Variants in PFKFB4 observed in about 807,000 individuals in gnomAD.
The protein encoded by PFKFB4 is 6-phosphofructo-2-kinase/fructose-2,6-bisphosphatase 4.
A neutral mutation model predicts 62.8 loss-of-function variants in PFKFB4; 42 were observed. The observed-to-expected ratio is 0.67, with a 90% CI of 0.52 to 0.86. The LOEUF is 0.86. Among genes scored for constraint, PFKFB4 ranks in the 40% least tolerant of loss-of-function variants. The pLI, the probability that PFKFB4 is intolerant of heterozygous loss-of-function variation, is 0.00. For synonymous variants in PFKFB4, 204 were observed against 240.7 expected, an observed-to-expected ratio of 0.85 and a Z score of 1.41; for missense variants, 475 against 627.2, an observed-to-expected ratio of 0.76 and a Z score of 2.59.
At chr3:48,557,536 G>A (rs933723884), upstream of PFKFB4, among the ~76,000 whole-genome samples, 2 of 152,106 alleles carry the variant, frequency 1.3e-5, no homozygotes, top group Non-Finnish European at 2.9e-5. Flanking sequence ...GAGCAAATGC[G>A]TGGGACTTTT....
At position 48,538,618 on chromosome 3, in the gene PFKFB4, T is replaced by C; in HGVS notation, c.512A>G (p.Gln171Arg). 6.2e-7 allele frequency: 1 copy of C among 1,614,158 alleles called. No homozygotes were observed. The highest frequency in any genetic ancestry group is 8.5e-7 in the Non-Finnish European group (1 of 1,180,020). ...ATAGTCAGGGCTGCCCAGTTTCACT[T>C]GCTGCCGGAGCCAGGCACAGAGAAA... ...DPEVIAANIV[Q>R]VKLGSPDYVN... Residue 171 changes from glutamine to arginine, a missense_variant and splice_region_variant, in exon 7 of 14, where the codon CAA (glutamine) becomes CGA (arginine). Coordinates refer to ENST00000232375, the MANE Select transcript of PFKFB4 (RefSeq NM_004567.4).
chr3:48,529,539 T>A (rs2042368727), intron 9 of PFKFB4, among the ~76,000 whole-genome samples: 1 of 152,134 alleles, frequency 6.6e-6, no homozygotes, highest in Admixed American at 6.6e-5. Context: ...ATCTATATAT[T>A]TGGAGGGAAG....
At chr3:48,530,598 A>C (rs1184132078) in intron 9 of PFKFB4, among the ~76,000 whole-genome samples, 1 of 152,266 alleles carries the variant, frequency 6.6e-6, no homozygotes, top group Non-Finnish European at 1.5e-5. Flanking sequence ...CAAACATACC[A>C]GTAATGATAA....
intron 12 of PFKFB4, 126 bp downstream of exon 12, chr3:48,523,411 G>C: frequency 1.1e-6 from 1 of 890,352 alleles, no homozygotes; most frequent in Non-Finnish European, 1.8e-6. Flanking sequence ...TGGGAAAGGT[G>C]GTGGGGTAGT....
Position 48,521,095 on chromosome 3 carries a change from G to A in PFKFB4, c.1350+891C>T, listed in dbSNP as rs2042082704. On this transcript the variant is annotated intron_variant, in intron 13 of 13. Coordinates refer to ENST00000232375, the MANE Select transcript of PFKFB4 (RefSeq NM_004567.4). The surrounding 1 kb of genome is among the most constrained non-coding windows in gnomAD (Gnocchi z 5.3). ...CTTGGGGGCAGTGGTGTTGGGAAGG[G>A]ACAGGACACATCTACACACCTGTGC... is the stretch of plus-strand genomic sequence containing the variant. Among the ~76,000 whole-genome samples the A allele has an allele frequency of 6.6e-6, 1 of 152,164 alleles. No homozygotes were observed. The highest frequency in any genetic ancestry group is 1.9e-4 in the East Asian group (1 of 5,180).
rs749504268 is a variant in PFKFB4, at chr3:48,523,549, G to A, written c.1273C>T (p.Pro425Ser). 8 of 1,614,004 alleles carry A rather than the reference G, an allele frequency of 5.0e-6. No homozygotes were observed. The South Asian group carries it at 6.6e-5, about 13-fold the overall frequency. The change falls in exon 12 of 14, where the codon CCT (proline) becomes TCT (serine). Residue 425 changes from proline to serine, a missense_variant. Transcript: ENST00000232375. Reference sequence around the variant, plus strand: ...GAAGCTTCCTTACCATATGCCACAGGAGTCAGCTTCAGGACTGTGTGCAGC... The same window carrying A: ...GAAGCTTCCTTACCATATGCCACAGAAGTCAGCTTCAGGACTGTGTGCAGC... Reference protein sequence around the residue: ...CPLHTVLKLTPVAYGCKVESI... With the variant: ...CPLHTVLKLTSVAYGCKVESI...
In PFKFB4 at chr3:48,549,867, C is replaced by T; in HGVS notation, c.308G>A (p.Arg103Lys). 2 of 1,600,432 alleles carry T rather than the reference C, an allele frequency of 1.2e-6. No homozygotes were observed. Among genetic ancestry groups the T allele is most frequent in the Non-Finnish European group, 1.7e-6 (2 of 1,167,524 alleles). The change falls in exon 3 of 14, where the codon AGG becomes AAG. Residue 103 changes from arginine (R) to lysine (K), a missense_variant. Transcript: ENST00000232375. ...LPDNEEGLKI[R>K]KQCALAALRD... ...CACACCCAACACATATACTTACTTC[C>T]TGATTTTCAGGCCCTCTTCATTGTC...
At chr3:48,550,008 C>T in intron 2 of PFKFB4, 48 bp from the exon 3 acceptor site, 1 of 1,476,180 alleles carries the variant, frequency 6.8e-7, no homozygotes, top group South Asian at 1.1e-5. Context: ...CAACCCCTAC[C>T]AACCCTGACC....
upstream of PFKFB4, chr3:48,562,960 C>A: frequency 6.2e-7 from 1 of 1,605,638 alleles, no homozygotes; most frequent in Non-Finnish European, 8.5e-7. The surrounding 1 kb of genome is among the most constrained non-coding windows in gnomAD (Gnocchi z 4.3). Context: ...GGGCAGCCCA[C>A]GGCCATGTGG....
At position 48,535,520 on chromosome 3, in the gene PFKFB4, T is replaced by A; in HGVS notation, c.979A>T (p.Ile327Phe). ...GGAGGGACGGTAACTACCGCATCGA[T>A]CTCGTTGAGGACCTTCCACTGTTCA... is the stretch of plus-strand genomic sequence containing the variant. ...PYEQWKVLNE[I>F]DAGVCEEMTY... Residue 327 changes from isoleucine (I) to phenylalanine (F), a missense_variant, in exon 9 of 14, where the codon ATC becomes TTC. Transcript: ENST00000232375. 1 of 1,613,502 alleles carries A rather than the reference T, an allele frequency of 6.2e-7. No homozygotes were observed. Among genetic ancestry groups the A allele is most frequent in the South Asian group, 1.1e-5 (1 of 91,040 alleles).
chr3:48,550,091 C>T (rs1368142480), intron 2 of PFKFB4, 27 bp downstream of exon 2: 2 of 1,534,888 alleles, frequency 1.3e-6, no homozygotes, highest in Non-Finnish European at 9.0e-7. Context: ...ACAAAGCTCC[C>T]CTTAGACAGC....
At chr3:48,520,386 G>T (rs1343801253) in intron 13 of PFKFB4, among the ~76,000 whole-genome samples, 1 of 152,172 alleles carries the variant, frequency 6.6e-6, no homozygotes, top group Non-Finnish European at 1.5e-5. Flanking sequence ...GGAGTCTCAG[G>T]CCTGAGGAAT....
rs1023384869 is a variant in PFKFB4 at position 48,523,903 on chromosome 3, G to A, written c.1093-73C>T. On this transcript the variant is annotated intron_variant, in intron 10 of 13. Transcript: ENST00000232375. ...GGGACAGACACATCCTGGACACTGG[G>A]CCACCTTCCACTCCTGCAGCTACTC... 4.0e-6 allele frequency: 6 copies of A among 1,482,010 alleles called. No individual in the cohort carries two copies. The East Asian group carries it at 1.4e-4, about 34-fold the overall frequency. 91.8% of individuals were successfully genotyped at this position (1,482,010 alleles called of 1,614,324 possible). A position where few individuals can be genotyped will look rare whatever the true frequency, so the allele number is the denominator to read the frequency against.
intron 9 of PFKFB4, among the ~76,000 whole-genome samples, chr3:48,533,763 A>G (rs2042504266): frequency 6.6e-6 from 1 of 152,208 alleles, no homozygotes; most frequent in African/African-American, 2.4e-5. Flanking sequence ...CTGAGGCACA[A>G]GAATCGCTTG....
chr3:48,551,519 CTTTTTTTTTTT>C (rs71074260), intron 1 of PFKFB4, among the ~76,000 whole-genome samples: 7 of 29,084 alleles, frequency 2.4e-4, no homozygotes, highest in African/African-American at 8.1e-4. Flanking sequence ...CTCCAGCCTT[CTTTTTTTTTTT>C]TTTTTTTTTT....
At chr3:48,531,308 A>G (rs2042418852) in intron 9 of PFKFB4, among the ~76,000 whole-genome samples, 1 of 151,468 alleles carries the variant, frequency 6.6e-6, no homozygotes, top group African/African-American at 2.4e-5. Flanking sequence ...GACCAGCCTG[A>G]CCAACATGGA....
At chr3:48,524,048 G>C (rs545260795) in intron 10 of PFKFB4, among the ~76,000 whole-genome samples, 39 of 152,292 alleles carry the variant, frequency 2.6e-4, no homozygotes, top group Non-Finnish European at 4.9e-4. Context: ...GTAGGATTGA[G>C]AGCGCAGAGC....
intron 10 of PFKFB4, 69 bp from the exon 11 acceptor site, chr3:48,523,899 C>T: frequency 1.3e-6 from 2 of 1,495,940 alleles, no homozygotes; most frequent in Non-Finnish European, 1.8e-6. Flanking sequence ...ATCCTGGACA[C>T]TGGGCCACCT....
chr3:48,555,121 T>G (rs1478239776), intron 1 of PFKFB4, among the ~76,000 whole-genome samples: 1 of 143,436 alleles, frequency 7.0e-6, no homozygotes, highest in Non-Finnish European at 1.5e-5. Context: ...GCCACCCCCC[T>G]AAGTCAGGAC....
Sources: allele counts gnomAD v4.1 joint callset (sites outside exome capture counted in the v4.1 genomes callset), GRCh38; gene constraint gnomAD v4.1.1; non-coding constraint Gnocchi (gnomAD v3.1); transcripts MANE v1.5; gene names NCBI Gene and HGNC (gene_info 2026-07-23, HGNC 2026-07-21).